GPC5: variants seen among roughly 807,000 people sequenced by gnomAD.
The protein encoded by GPC5 is glypican-5.
A neutral mutation model predicts 53.9 loss-of-function variants in GPC5; 47 were observed. The ratio of observed to expected loss-of-function variants is 0.87; its 90% CI spans 0.69 to 1.11. GPC5 has a LOEUF of 1.11. GPC5 is among the 50% of genes most tolerant of loss of function. The probability of loss-of-function intolerance (pLI) is 0.00; values close to 1 mark genes in which losing one functional copy is unlikely to be tolerated. For missense variants in GPC5, 748 were observed against 713.1 expected, an observed-to-expected ratio of 1.05 and a Z score of -0.56; for synonymous variants, 286 against 263.3, an observed-to-expected ratio of 1.09 and a Z score of -0.84.
chr13:91,452,037 C>T (rs1352157145), intron 2 of GPC5, among the ~76,000 whole-genome samples: 1 of 151,930 alleles, frequency 6.6e-6, no homozygotes, highest in East Asian at 1.9e-4. Context: ...GTCCAAAGTG[C>T]AATGGTGTGA....
chr13:92,765,174 C>T (rs1342785539), intron 7 of GPC5, among the ~76,000 whole-genome samples: 1 of 152,100 alleles, frequency 6.6e-6, no homozygotes, highest in African/African-American at 2.4e-5. Context: ...TAATAAGCTG[C>T]CACGTAGAAC....
chr13:92,761,859 T>A (rs57888578), intron 7 of GPC5, among the ~76,000 whole-genome samples: 30,719 of 151,938 alleles, frequency 0.2, 3,243 homozygotes, highest in Middle Eastern at 0.28. Flanking sequence ...CCCACAGAAA[T>A]CTTGTGAGCT....
intron 7 of GPC5, among the ~76,000 whole-genome samples, chr13:92,645,094 C>T (rs1345780160): frequency 6.6e-6 from 1 of 152,156 alleles, no homozygotes; most frequent in Non-Finnish European, 1.5e-5. Flanking sequence ...TACATAGGCC[C>T]TACTACATTC....
At chr13:92,713,315 G>T (rs1486263841) in intron 7 of GPC5, among the ~76,000 whole-genome samples, 1 of 151,874 alleles carries the variant, frequency 6.6e-6, no homozygotes, top group Middle Eastern at 3.2e-3. Flanking sequence ...CAATCTGGCC[G>T]GGTGTGGTGG....
At chr13:92,114,337 C>G (rs766512264) in intron 6 of GPC5, among the ~76,000 whole-genome samples, 1 of 152,094 alleles carries the variant, frequency 6.6e-6, no homozygotes, top group Non-Finnish European at 1.5e-5. Flanking sequence ...ACATGCAGAA[C>G]GTTACTTCAG....
intron 7 of GPC5, among the ~76,000 whole-genome samples, chr13:92,812,693 C>T (rs908971656): frequency 6.6e-6 from 1 of 151,684 alleles, no homozygotes; most frequent in Non-Finnish European, 1.5e-5. Context: ...TAACATGATC[C>T]TATGCATAGA....
chr13:91,457,711 A>G (rs1399088581), intron 2 of GPC5, among the ~76,000 whole-genome samples: 1 of 152,154 alleles, frequency 6.6e-6, no homozygotes, highest in Non-Finnish European at 1.5e-5. Flanking sequence ...TTAATAGTAA[A>G]ACTTGTATCT....
chr13:92,782,499 A>G (rs185172003), intron 7 of GPC5, among the ~76,000 whole-genome samples: 2 of 152,250 alleles, frequency 1.3e-5, no homozygotes, highest in South Asian at 4.1e-4. Context: ...TTTATACTGA[A>G]TCCTAAAGAA....
At chr13:92,711,881 G>A (rs1888150518) in intron 7 of GPC5, among the ~76,000 whole-genome samples, 1 of 151,842 alleles carries the variant, frequency 6.6e-6, no homozygotes, top group Non-Finnish European at 1.5e-5. Flanking sequence ...TGAACTTAAT[G>A]AAGATACAAC....
intron 7 of GPC5, among the ~76,000 whole-genome samples, chr13:92,469,951 A>C (rs1878845839): frequency 6.6e-6 from 1 of 152,158 alleles, no homozygotes; most frequent in Non-Finnish European, 1.5e-5. Context: ...AAGAATATGA[A>C]AATGGTATTA....
intron 7 of GPC5, among the ~76,000 whole-genome samples, chr13:92,760,552 G>T (rs2138736327): frequency 6.6e-6 from 1 of 151,436 alleles, no homozygotes; most frequent in South Asian, 2.1e-4. Context: ...ACATATTTAA[G>T]ACTTGTTTTT....
At chr13:92,131,899 A>G (rs2041746996) in intron 6 of GPC5, among the ~76,000 whole-genome samples, 1 of 147,986 alleles carries the variant, frequency 6.8e-6, no homozygotes, top group African/African-American at 2.4e-5. Context: ...TTGCCTATCT[A>G]TGACCCACCA....
At chr13:91,617,893 A>G (rs1480959778) in intron 2 of GPC5, among the ~76,000 whole-genome samples, 2 of 152,138 alleles carry the variant, frequency 1.3e-5, no homozygotes, top group African/African-American at 2.4e-5. Flanking sequence ...GCCATAGACA[A>G]TATATAACAA....
chr13:91,407,906 T>A (rs925685050), intron 1 of GPC5, among the ~76,000 whole-genome samples: 3 of 152,226 alleles, frequency 2.0e-5, no homozygotes, highest in Non-Finnish European at 4.4e-5. Flanking sequence ...CTAATCTTTT[T>A]AAAAAATTTA....
intron 4 of GPC5, 90 bp from the exon 5 acceptor site, chr13:91,756,205 C>CATG (rs2037287881): frequency 5.4e-6 from 5 of 927,426 alleles, no homozygotes; most frequent in Non-Finnish European, 7.4e-6. Flanking sequence ...AAATTATATC[C>CATG]TAAACATTAT....
intron 7 of GPC5, among the ~76,000 whole-genome samples, chr13:92,177,558 C>T (rs531320356): frequency 6.6e-6 from 1 of 152,244 alleles, no homozygotes; most frequent in African/African-American, 2.4e-5. Flanking sequence ...AGAATAGCCA[C>T]TAGTATGTTT....
intron 5 of GPC5, among the ~76,000 whole-genome samples, chr13:91,778,014 A>T (rs2037738704): frequency 6.6e-6 from 1 of 152,118 alleles, no homozygotes; most frequent in South Asian, 2.1e-4. Flanking sequence ...TCACCCTCAT[A>T]AAACTTGTCT....
rs563395924 is a variant in GPC5 at position 91,557,228 on chromosome 13, T to A, written c.325+108306T>A. 9.9e-5 allele frequency among the ~76,000 whole-genome samples: 15 copies of A among 152,236 alleles called. No homozygotes were observed. The East Asian group carries it at 2.1e-3, about 22-fold the overall frequency. ...CGCCATCATTTCCTGCTGCTCCAAT[T>A]TTTCACTTTGGCTGTTCTGAGAGTT... On this transcript the variant is annotated intron_variant, in intron 2 of 7. Coordinates refer to ENST00000377067, the MANE Select transcript of GPC5 (RefSeq NM_004466.6).
chr13:92,752,211 C>A (rs1435097367), intron 7 of GPC5, among the ~76,000 whole-genome samples: 3 of 152,080 alleles, frequency 2.0e-5, no homozygotes, highest in Non-Finnish European at 2.9e-5. Context: ...GGAAGTTTAG[C>A]CCTATCCCTG....
Sources: allele counts gnomAD v4.1 joint callset (sites outside exome capture counted in the v4.1 genomes callset), GRCh38; gene constraint gnomAD v4.1.1; transcripts MANE v1.5; gene names NCBI Gene and HGNC (gene_info 2026-07-23, HGNC 2026-07-21).